Variants in MCTP2 observed in about 807,000 individuals in gnomAD.
MCTP2 encodes the protein multiple C2 and transmembrane domain containing 2, also known as multiple C2 and transmembrane domain-containing protein 2.
Under a neutral mutation model 111.6 loss-of-function variants are expected in MCTP2, and 132 were observed. That is an observed-to-expected ratio of 1.18 (90% confidence interval 1.03 to 1.37). MCTP2 has a LOEUF of 1.37. MCTP2 is among the 40% of genes most tolerant of loss of function. The pLI is 0.00. For missense variants in MCTP2, 1,183 were observed against 1,067.9 expected (o/e 1.11, Z -1.50); for synonymous variants, 395 against 387.7 (o/e 1.02, Z -0.22).
At chr15:94,352,225 C>T (rs1020641100) in intron 8 of MCTP2, among the ~76,000 whole-genome samples, 8 of 152,188 alleles carry the variant, frequency 5.3e-5, no homozygotes, top group African/African-American at 1.7e-4. Flanking sequence ...TTAGTCCCAC[C>T]GCAAAGTTTC....
intron 2 of MCTP2, among the ~76,000 whole-genome samples, chr15:94,301,014 C>A (rs1337555315): frequency 6.6e-6 from 1 of 152,120 alleles, no homozygotes; most frequent in Non-Finnish European, 1.5e-5. Flanking sequence ...CTTCTCCAGG[C>A]TAAATGCAGA....
intron 1 of MCTP2, among the ~76,000 whole-genome samples, chr15:94,245,978 G>T (rs768074192): frequency 1.4e-4 from 21 of 152,064 alleles, no homozygotes; most frequent in Non-Finnish European, 2.2e-4. Context: ...AACCTCTTCG[G>T]AGCAGAGAGG....
At chr15:94,390,999 G>C (rs1008919970) in intron 14 of MCTP2, among the ~76,000 whole-genome samples, 4 of 152,042 alleles carry the variant, frequency 2.6e-5, no homozygotes, top group African/African-American at 9.7e-5. Flanking sequence ...CAAAGTGCTG[G>C]GATTACAGGC....
At chr15:94,367,825 C>G in intron 11 of MCTP2, 34 bp downstream of exon 11, 1 of 1,525,610 alleles carries the variant, frequency 6.6e-7, no homozygotes, top group Non-Finnish European at 8.8e-7. Context: ...ACTCCCCCTC[C>G]TCCCACCTTC....
chr15:94,461,549 C>T (rs188106264), intron 20 of MCTP2, among the ~76,000 whole-genome samples: 1 of 152,140 alleles, frequency 6.6e-6, no homozygotes, highest in African/African-American at 2.4e-5. Flanking sequence ...ATCATGTGTT[C>T]TATCATTATG....
chr15:94,405,624 C>T (rs1006249065), intron 17 of MCTP2, among the ~76,000 whole-genome samples: 1 of 152,180 alleles, frequency 6.6e-6, no homozygotes, highest in African/African-American at 2.4e-5. Context: ...AGAAAGTTAT[C>T]AGTAATGCAC....
At chr15:94,261,860 A>G (rs1474506659) in intron 1 of MCTP2, among the ~76,000 whole-genome samples, 2 of 152,190 alleles carry the variant, frequency 1.3e-5, no homozygotes, top group Admixed American at 6.5e-5. Flanking sequence ...AGTGTTTTTC[A>G]TTGTACATTG....
chr15:94,313,823 G>T (rs2076257058), intron 2 of MCTP2, among the ~76,000 whole-genome samples: 1 of 152,044 alleles, frequency 6.6e-6, no homozygotes, highest in African/African-American at 2.4e-5. Context: ...CCCCATGAAG[G>T]TATGGCTTGA....
intron 1 of MCTP2, 129 bp from the exon 2 acceptor site, chr15:94,298,072 A>G: frequency 2.1e-6 from 1 of 473,558 alleles, no homozygotes; most frequent in Non-Finnish European, 3.7e-6. Flanking sequence ...TTGCAGTCTT[A>G]ATCATTTATT....
intron 17 of MCTP2, among the ~76,000 whole-genome samples, chr15:94,415,319 C>T (rs570687330): frequency 6.6e-6 from 1 of 152,032 alleles, no homozygotes; most frequent in African/African-American, 2.4e-5. Context: ...ATCAAGTAAC[C>T]TAGACGGTGT....
At chr15:94,432,329 A>G (rs1431478899) in intron 17 of MCTP2, among the ~76,000 whole-genome samples, 2 of 152,196 alleles carry the variant, frequency 1.3e-5, no homozygotes, top group Non-Finnish European at 2.9e-5. Flanking sequence ...TAGAGAACAT[A>G]TAGCATTCTC....
At chr15:94,443,045 CTCTTTT>C in intron 19 of MCTP2, 85 bp downstream of exon 19, 2 of 849,498 alleles carry the variant, frequency 2.4e-6, no homozygotes, top group African/African-American at 2.2e-5. Flanking sequence ...TCTCTCTCCT[CTCTTTT>C]TTTTTTTTTT....
intron 1 of MCTP2, among the ~76,000 whole-genome samples, chr15:94,252,404 C>T (rs926608503): frequency 6.6e-6 from 1 of 152,152 alleles, no homozygotes; most frequent in African/African-American, 2.4e-5. Flanking sequence ...GAGCTTACTA[C>T]AGTTGTAAGA....
At chr15:94,379,176 A>G (rs2079957029) in intron 12 of MCTP2, among the ~76,000 whole-genome samples, 1 of 151,656 alleles carries the variant, frequency 6.6e-6, no homozygotes, top group African/African-American at 2.4e-5. Context: ...GAGCCCTGTT[A>G]CTCTGTGTGC....
rs58768404 is a variant in MCTP2, at chr15:94,443,981, C to CAAAAAAAAAAAA, written c.2250+1035_2250+1046dup. On this transcript the variant is annotated intron_variant, in intron 19 of 22. Transcript: ENST00000357742. ...TAAGGTTTATAATGGGATATTTTAC[C>CAAAAAAAAAAAA]AAAAAAAAAAAAAAAAAAAAAAAAA... 1.0e-4 allele frequency among the ~76,000 whole-genome samples: 7 copies of CAAAAAAAAAAAA among 69,406 alleles called. 1 individual carries two copies. The highest frequency in any genetic ancestry group is 3.7e-4 in the African/African-American group (6 of 16,158). 45.5% of individuals were successfully genotyped at this position (69,406 alleles called of 152,430 possible).
At chr15:94,332,680 A>G (rs1235981887) in intron 4 of MCTP2, among the ~76,000 whole-genome samples, 1 of 149,734 alleles carries the variant, frequency 6.7e-6, no homozygotes, top group Admixed American at 6.6e-5. Flanking sequence ...AATACATTTG[A>G]TTAGAAAATT....
chr15:94,358,850 ATAAAGT>A (rs1281041292), intron 10 of MCTP2, among the ~76,000 whole-genome samples: 1 of 152,214 alleles, frequency 6.6e-6, no homozygotes, highest in Non-Finnish European at 1.5e-5. Context: ...AATTATCTAA[ATAAAGT>A]TAAGCTGCCA....
chr15:94,249,870 A>G (rs2072287874), intron 1 of MCTP2, among the ~76,000 whole-genome samples: 1 of 152,048 alleles, frequency 6.6e-6, no homozygotes, highest in Non-Finnish European at 1.5e-5. Context: ...GTCATCCAAG[A>G]CTGTTTTTGA....
At chr15:94,321,219 G>C (rs2076615131) in intron 4 of MCTP2, among the ~76,000 whole-genome samples, 1 of 152,016 alleles carries the variant, frequency 6.6e-6, no homozygotes, top group South Asian at 2.1e-4. Context: ...ACAGTAGAAA[G>C]AATAAGTTAC....
Sources: gnomAD v4.1 joint callset for allele counts (sites outside exome capture counted in the v4.1 genomes callset) on GRCh38, gnomAD v4.1.1 for gene constraint, MANE v1.5 for transcripts, NCBI Gene and HGNC (gene_info 2026-07-23, HGNC 2026-07-21) for gene names.